SLC9A9: variants seen among roughly 807,000 people sequenced by gnomAD.
SLC9A9 encodes the protein sodium/hydrogen exchanger 9.
Under a neutral mutation model 77.8 loss-of-function variants are expected in SLC9A9, and 62 were observed. The observed-to-expected ratio is 0.80, with a 90% CI of 0.65 to 0.98. The LOEUF (loss-of-function observed/expected upper bound fraction) is 0.98. Among genes scored for constraint, SLC9A9 ranks in the 50% least tolerant of loss-of-function variants. The pLI, the probability that SLC9A9 is intolerant of heterozygous loss-of-function variation, is 0.00. For missense variants in SLC9A9, 775 were observed against 774.9 expected (o/e 1.00, Z 0.00); for synonymous variants, 320 against 283.5 (o/e 1.13, Z -1.29).
intron 2 of SLC9A9, among the ~76,000 whole-genome samples, chr3:143,801,215 T>C (rs1376314859): frequency 1.3e-5 from 2 of 152,132 alleles, no homozygotes; most frequent in Non-Finnish European, 2.9e-5. Context: ...GGCTGTGCAG[T>C]TGGAATTCTT....
chr3:143,349,669 ACTC>A (rs1290065419), intron 14 of SLC9A9, among the ~76,000 whole-genome samples: 1 of 152,138 alleles, frequency 6.6e-6, no homozygotes, highest in Non-Finnish European at 1.5e-5. Context: ...TAGCTATTTG[ACTC>A]ATGCTCTGTG....
At chr3:143,762,571 C>T (rs2007169511) in intron 4 of SLC9A9, among the ~76,000 whole-genome samples, 2 of 152,094 alleles carry the variant, frequency 1.3e-5, no homozygotes, top group Admixed American at 1.3e-4. Context: ...AAAGCAATTT[C>T]CCCAAGTGAA....
chr3:143,363,318 C>T (rs1206626686), intron 14 of SLC9A9, among the ~76,000 whole-genome samples, 166 bp downstream of exon 14: 1 of 152,228 alleles, frequency 6.6e-6, no homozygotes, highest in Non-Finnish European at 1.5e-5. Context: ...ATGGACTACC[C>T]TGCTTTTTAT....
intron 2 of SLC9A9, among the ~76,000 whole-genome samples, chr3:143,813,727 G>T (rs572156880): frequency 6.6e-6 from 1 of 152,080 alleles, no homozygotes; most frequent in African/African-American, 2.4e-5. Flanking sequence ...CTATTTATCC[G>T]CTGGCTACAA....
intron 5 of SLC9A9, among the ~76,000 whole-genome samples, chr3:143,686,888 C>T (rs1933289514): frequency 7.3e-6 from 1 of 137,100 alleles, no homozygotes; most frequent in South Asian, 2.8e-4. Flanking sequence ...CTCTCCCATT[C>T]CCCATCCTCC....
At chr3:143,471,995 C>A (rs1365546081) in intron 11 of SLC9A9, among the ~76,000 whole-genome samples, 1 of 152,126 alleles carries the variant, frequency 6.6e-6, no homozygotes, top group Non-Finnish European at 1.5e-5. Flanking sequence ...AAAAGTGAAG[C>A]CTTTAATCAA....
intron 4 of SLC9A9, among the ~76,000 whole-genome samples, chr3:143,758,038 G>A (rs2006982549): frequency 6.6e-6 from 1 of 152,072 alleles, no homozygotes; most frequent in South Asian, 2.1e-4. Flanking sequence ...CTATCAGCTT[G>A]GAACTTTCCC....
chr3:143,648,080 T>C (rs2038733351), intron 6 of SLC9A9, among the ~76,000 whole-genome samples: 2 of 151,992 alleles, frequency 1.3e-5, no homozygotes. Context: ...ATATTTATAT[T>C]TATATAGCAT....
At chr3:143,420,497 A>G (rs1346509417) in intron 12 of SLC9A9, among the ~76,000 whole-genome samples, 1 of 152,218 alleles carries the variant, frequency 6.6e-6, no homozygotes, top group African/African-American at 2.4e-5. Flanking sequence ...TATGCGACTT[A>G]TACACAATTG....
rs146026944 is a variant in SLC9A9, at chr3:143,771,648, A to C, written c.533+23353T>G. 1.3e-4 allele frequency among the ~76,000 whole-genome samples: 20 copies of C among 152,270 alleles called. No homozygotes were observed. In the South Asian group the frequency reaches 2.9e-3, roughly 22 times the overall value. ...TCATTTAAACTGCAGGAAACACCTTAATTATATCTGGGAATTTTACTGGAA... is the reference window on the plus strand; with the variant it reads ...TCATTTAAACTGCAGGAAACACCTTCATTATATCTGGGAATTTTACTGGAA... On this transcript the variant is annotated intron_variant, in intron 4 of 15. Transcript: ENST00000316549.
chr3:143,347,559 A>G (rs1004659860), intron 14 of SLC9A9, among the ~76,000 whole-genome samples: 2 of 152,190 alleles, frequency 1.3e-5, no homozygotes, highest in African/African-American at 4.8e-5. Context: ...GGGTAAGGAA[A>G]GGGCACCCGG....
At chr3:143,451,078 T>C (rs551255921) in intron 12 of SLC9A9, among the ~76,000 whole-genome samples, 143 of 151,832 alleles carry the variant, frequency 9.4e-4, no homozygotes, top group Middle Eastern at 3.4e-3. Flanking sequence ...TTGGAGATGC[T>C]TTTGAATCAT....
chr3:143,559,029 G>C (rs1324347538), intron 8 of SLC9A9, among the ~76,000 whole-genome samples: 1 of 152,082 alleles, frequency 6.6e-6, no homozygotes, highest in East Asian at 1.9e-4. Flanking sequence ...CACTAGATCT[G>C]ATGATTTTAT....
intron 6 of SLC9A9, among the ~76,000 whole-genome samples, chr3:143,604,798 A>T (rs1000344571): frequency 1.3e-5 from 2 of 152,242 alleles, no homozygotes; most frequent in Non-Finnish European, 2.9e-5. Flanking sequence ...AACAGTTTAC[A>T]GTACTCCCAC....
intron 4 of SLC9A9, among the ~76,000 whole-genome samples, chr3:143,710,938 T>A (rs1934127272): frequency 1.3e-5 from 2 of 152,196 alleles, no homozygotes; most frequent in Non-Finnish European, 2.9e-5. Context: ...CCCAATCAGA[T>A]CAATTTTCTG....
chr3:143,547,759 C>A (rs2036813098), intron 9 of SLC9A9, among the ~76,000 whole-genome samples: 1 of 152,138 alleles, frequency 6.6e-6, no homozygotes, highest in Non-Finnish European at 1.5e-5. Flanking sequence ...TTCTGGACAC[C>A]CAATCTAATA....
intron 6 of SLC9A9, among the ~76,000 whole-genome samples, chr3:143,638,623 A>G (rs2038568647): frequency 6.6e-6 from 1 of 152,230 alleles, no homozygotes; most frequent in Admixed American, 6.5e-5. Context: ...AGAGCTCCTG[A>G]CTTCTTTCCC....
intron 14 of SLC9A9, among the ~76,000 whole-genome samples, chr3:143,317,812 C>T (rs1013037186): frequency 1.3e-5 from 2 of 152,204 alleles, no homozygotes; most frequent in African/African-American, 2.4e-5. Flanking sequence ...ACTGCAAGCT[C>T]TGCCTCCCAG....
chr3:143,699,729 A>G (rs756244473), intron 4 of SLC9A9, among the ~76,000 whole-genome samples: 6 of 152,110 alleles, frequency 3.9e-5, no homozygotes, highest in Admixed American at 1.3e-4. Context: ...GGGGCCCTAA[A>G]TAAACTTGAA....
Sources: allele counts gnomAD v4.1 joint callset (sites outside exome capture counted in the v4.1 genomes callset), GRCh38; gene constraint gnomAD v4.1.1; transcripts MANE v1.5; gene names NCBI Gene and HGNC (gene_info 2026-07-23, HGNC 2026-07-21).